Variants in LTBP1 observed in about 807,000 individuals in gnomAD.
LTBP1 encodes the protein latent transforming growth factor beta binding protein 1.
LTBP1 carries 129 observed loss-of-function variants against 207.6 expected under a neutral mutation model. The observed-to-expected ratio is 0.62, with a 90% CI of 0.54 to 0.72. The LOEUF is 0.72. Ranked by LOEUF, LTBP1 falls within the 30% of genes least tolerant of loss-of-function variation. The pLI is 0.00. For synonymous variants in LTBP1, 963 were observed against 833.7 expected (o/e 1.16, Z -2.67); for missense variants, 2,281 against 2,217.2 (o/e 1.03, Z -0.58).
At chr2:33,121,581 A>C (rs539059799) in intron 4 of LTBP1, among the ~76,000 whole-genome samples, 71 of 152,166 alleles carry the variant, frequency 4.7e-4, no homozygotes, top group African/African-American at 1.6e-3. Context: ...CAACTGCTTC[A>C]CTCAGATCCA....
intron 3 of LTBP1, among the ~76,000 whole-genome samples, chr2:33,064,818 G>A (rs149742487): frequency 6.6e-6 from 1 of 152,248 alleles, no homozygotes; most frequent in East Asian, 1.9e-4. Flanking sequence ...TTCCCAACTT[G>A]TATTGTTGGG....
chr2:32,996,913 CT>C (rs1479723346), intron 2 of LTBP1, among the ~76,000 whole-genome samples: 2 of 152,088 alleles, frequency 1.3e-5, no homozygotes, highest in Non-Finnish European at 2.9e-5. Context: ...GAGACAGAGT[CT>C]CGCTCTGTCG....
intron 5 of LTBP1, among the ~76,000 whole-genome samples, chr2:33,181,714 C>G (rs990432275): frequency 6.6e-6 from 1 of 152,210 alleles, no homozygotes; most frequent in African/African-American, 2.4e-5. Context: ...GTAATATTTT[C>G]TAAAATATAT....
rs70938396 is a variant in LTBP1 at position 33,302,950 on chromosome 2, T to TACAC, written c.3481+1338_3481+1341dup. Among the ~76,000 whole-genome samples, 979 of 144,884 alleles carry TACAC rather than the reference T, an allele frequency of 6.8e-3. 13 individuals are homozygous for TACAC. Among genetic ancestry groups the TACAC allele is most frequent in the East Asian group, 0.027 (133 of 4,892 alleles). The stretch of plus-strand genomic sequence containing the variant: ...CGTGGTGGCGCCCAGCTAATATTTT[T>TACAC]ACACACACACACACACACACACACA... On this transcript the variant is annotated intron_variant, in intron 22 of 33. Transcript: ENST00000404816.
At chr2:33,098,708 A>T (rs907901162) in intron 3 of LTBP1, among the ~76,000 whole-genome samples, 5 of 151,996 alleles carry the variant, frequency 3.3e-5, no homozygotes, top group Non-Finnish European at 7.4e-5. Flanking sequence ...CAAAGTGCTG[A>T]GATTACAGGT....
At chr2:33,365,626 CGT>C (rs144867482) in intron 31 of LTBP1, 123 bp downstream of exon 31, 33,632 of 662,136 alleles carry the variant, frequency 0.051, no homozygotes, top group East Asian at 0.077. Context: ...ACTTTCATCC[CGT>C]GTGTGTGTGT....
intron 31 of LTBP1, among the ~76,000 whole-genome samples, chr2:33,380,798 A>C (rs1377495001): frequency 6.6e-6 from 1 of 152,258 alleles, no homozygotes; most frequent in Non-Finnish European, 1.5e-5. Context: ...TGAACAATTT[A>C]GTGGCATTTA....
intron 5 of LTBP1, among the ~76,000 whole-genome samples, chr2:33,162,194 T>G (rs898017343): frequency 1.3e-5 from 2 of 152,236 alleles, no homozygotes; most frequent in Admixed American, 1.3e-4. Flanking sequence ...AGGGTGAAGT[T>G]TTTAAAATTT....
At chr2:33,359,834 A>G (rs2094906747) in intron 26 of LTBP1, among the ~76,000 whole-genome samples, 2 of 152,140 alleles carry the variant, frequency 1.3e-5, no homozygotes, top group African/African-American at 2.4e-5. Context: ...AATTCAATCA[A>G]TTTCATTATT....
intron 5 of LTBP1, among the ~76,000 whole-genome samples, chr2:33,181,126 G>C (rs549382716): frequency 6.6e-6 from 1 of 152,262 alleles, no homozygotes; most frequent in Admixed American, 6.5e-5. Context: ...CGGGTGGAGT[G>C]GCCAGGACCC....
intron 9 of LTBP1, among the ~76,000 whole-genome samples, chr2:33,223,713 A>G (rs1187580235): frequency 6.6e-6 from 1 of 152,188 alleles, no homozygotes; most frequent in Non-Finnish European, 1.5e-5. Context: ...GGAAGTAACA[A>G]CCTTGTACAC....
chr2:32,955,982 A>C (rs1678014557), intron 2 of LTBP1, among the ~76,000 whole-genome samples: 1 of 152,204 alleles, frequency 6.6e-6, no homozygotes, highest in Non-Finnish European at 1.5e-5. Flanking sequence ...AGTACATGTA[A>C]AACTCATGTT....
chr2:33,171,250 A>T (rs2085418477), intron 5 of LTBP1, among the ~76,000 whole-genome samples: 1 of 121,426 alleles, frequency 8.2e-6, no homozygotes, highest in Admixed American at 8.5e-5. Context: ...CAAGAAGTTG[A>T]AAACTTTGAA....
intron 18 of LTBP1, among the ~76,000 whole-genome samples, chr2:33,279,110 G>A (rs1030262326): frequency 7.9e-5 from 12 of 152,150 alleles, no homozygotes; most frequent in African/African-American, 2.9e-4. Context: ...TACGATTAAA[G>A]GTCATATATA....
At chr2:33,234,971 A>G (rs1203806286) in intron 9 of LTBP1, among the ~76,000 whole-genome samples, 4 of 152,224 alleles carry the variant, frequency 2.6e-5, no homozygotes. Context: ...AGGCAATACC[A>G]TTCAGGACAT....
chr2:33,057,354 G>C (rs1355216589), intron 3 of LTBP1, among the ~76,000 whole-genome samples: 1 of 152,236 alleles, frequency 6.6e-6, no homozygotes, highest in Non-Finnish European at 1.5e-5. Flanking sequence ...CAGGAGCCCA[G>C]CTGGCTTCAC....
In LTBP1 at chr2:33,293,134, C is replaced by T. The variant is rs7560761; in HGVS notation, c.3113-26C>T. 2,518 of 1,591,944 alleles carry T rather than the reference C, an allele frequency of 1.6e-3. 21 individuals are homozygous for T. The African/African-American group carries it at 0.023, about 14-fold the overall frequency. ...GTTTTCTTTTTCTTCTTTTTTTGTT[C>T]TTTCCATTACGCAACATTCTTCAAG... On this transcript the variant is annotated intron_variant, in intron 19 of 33. Transcript: ENST00000404816.
chr2:33,338,639 A>G (rs559432044), intron 24 of LTBP1, among the ~76,000 whole-genome samples: 24 of 152,310 alleles, frequency 1.6e-4, no homozygotes, highest in Admixed American at 2.0e-4. Context: ...GAGGTGCTGC[A>G]GAGGAGGTGT....
intron 5 of LTBP1, among the ~76,000 whole-genome samples, chr2:33,183,720 G>A (rs548561723): frequency 6.6e-6 from 1 of 152,164 alleles, no homozygotes; most frequent in Non-Finnish European, 1.5e-5. Flanking sequence ...TACACACTGA[G>A]CCTGTCCAGT....
Sources: gnomAD v4.1 joint callset for allele counts (sites outside exome capture counted in the v4.1 genomes callset) on GRCh38, gnomAD v4.1.1 for gene constraint, MANE v1.5 for transcripts, NCBI Gene and HGNC (gene_info 2026-07-23, HGNC 2026-07-21) for gene names.